Variants in TPD52 observed in about 807,000 individuals in gnomAD.
The protein encoded by TPD52 is tumor protein D52, also known as prostate and colon associated protein.
In TPD52, 17 loss-of-function variants were observed where a neutral mutation model predicts 31.3. The ratio of observed to expected loss-of-function variants is 0.54; its 90% CI spans 0.37 to 0.82. The LOEUF is 0.82. Among genes scored for constraint, TPD52 ranks in the 40% least tolerant of loss-of-function variants. TPD52 has a pLI of 0.00. For missense variants in TPD52, 212 were observed against 240.1 expected (o/e 0.88, Z 0.77); for synonymous variants, 83 against 89.6 (o/e 0.93, Z 0.42).
chr8:80,050,930 A>AG (rs1460442519), intron 4 of TPD52, among the ~76,000 whole-genome samples: 3 of 151,476 alleles, frequency 2.0e-5, no homozygotes, highest in Non-Finnish European at 4.4e-5. Flanking sequence ...ACATGAGTGA[A>AG]GGGGGGGCAC....
chr8:80,116,803 T>C (rs936270290), intron 1 of TPD52, among the ~76,000 whole-genome samples: 1 of 150,948 alleles, frequency 6.6e-6, no homozygotes, highest in African/African-American at 2.4e-5. Flanking sequence ...GTTTATTTAG[T>C]ATGAGCAAGT....
chr8:80,089,679 T>C (rs1289580862), intron 1 of TPD52, among the ~76,000 whole-genome samples: 2 of 152,250 alleles, frequency 1.3e-5, no homozygotes, highest in Non-Finnish European at 2.9e-5. Context: ...ACAATAATTA[T>C]GACTTATCCT....
At chr8:80,089,187 A>C (rs1326500542) in intron 1 of TPD52, among the ~76,000 whole-genome samples, 1 of 152,256 alleles carries the variant, frequency 6.6e-6, no homozygotes, top group Non-Finnish European at 1.5e-5. Flanking sequence ...ATGGAACAGA[A>C]GCGGGAACAG....
intron 3 of TPD52, chr8:80,051,882 C>T (rs1231548969): frequency 2.7e-6 from 1 of 373,616 alleles, no homozygotes; most frequent in African/African-American, 2.1e-5. Context: ...AAAGGCAGGG[C>T]CAAAGAAGTC....
At chr8:80,068,423 C>T (rs1813405306) in intron 1 of TPD52, among the ~76,000 whole-genome samples, 1 of 152,168 alleles carries the variant, frequency 6.6e-6, no homozygotes, top group Admixed American at 6.5e-5. Context: ...TTTTACTTTC[C>T]TGAGGGTCTA....
intron 1 of TPD52, among the ~76,000 whole-genome samples, chr8:80,122,207 GA>G (rs1808307600): frequency 6.6e-6 from 1 of 152,080 alleles, no homozygotes; most frequent in Admixed American, 6.5e-5. Context: ...AAACAAAACA[GA>G]AAGTAAGACA....
chr8:80,144,740 C>G (rs991543822), intron 1 of TPD52, among the ~76,000 whole-genome samples: 1 of 152,206 alleles, frequency 6.6e-6, no homozygotes. Flanking sequence ...TTGGGGCAGA[C>G]AGGTGTTGGA....
intron 1 of TPD52, chr8:80,119,888 T>C (rs1344639284): frequency 7.7e-6 from 3 of 392,152 alleles, no homozygotes; most frequent in Non-Finnish European, 1.5e-5. Flanking sequence ...TAAAAAGCTA[T>C]AGCAGAAAAC....
intron 1 of TPD52, among the ~76,000 whole-genome samples, chr8:80,092,124 G>A (rs1289057745): frequency 6.6e-6 from 1 of 152,054 alleles, no homozygotes; most frequent in Admixed American, 6.6e-5. Context: ...AGGGGTTTGG[G>A]GCATCTATCA....
intron 1 of TPD52, among the ~76,000 whole-genome samples, chr8:80,116,936 C>G (rs1807905646): frequency 6.6e-6 from 1 of 151,998 alleles, no homozygotes; most frequent in Non-Finnish European, 1.5e-5. Flanking sequence ...ATAGAAAAAG[C>G]ATTTGACAAG....
chr8:80,133,564 CT>C (rs1302661610), intron 1 of TPD52, among the ~76,000 whole-genome samples: 1 of 152,104 alleles, frequency 6.6e-6, no homozygotes, highest in African/African-American at 2.4e-5. Flanking sequence ...CATTTTATTT[CT>C]TTGACCCACC....
chr8:80,072,208 T>C (rs1472354770), intron 1 of TPD52, among the ~76,000 whole-genome samples: 4 of 152,106 alleles, frequency 2.6e-5, no homozygotes, highest in African/African-American at 7.2e-5. Flanking sequence ...CTCATGAGGC[T>C]GAGGCAGGAG....
intron 1 of TPD52, among the ~76,000 whole-genome samples, chr8:80,127,110 C>CAAAA (rs111448600): frequency 7.5e-6 from 1 of 134,204 alleles, no homozygotes; most frequent in African/African-American, 2.6e-5. Context: ...GATGATGTCT[C>CAAAA]AAAAAAAAAA....
chr8:80,099,820 T>C (rs1806606406), intron 1 of TPD52, among the ~76,000 whole-genome samples: 1 of 152,224 alleles, frequency 6.6e-6, no homozygotes, highest in African/African-American at 2.4e-5. Context: ...TGGTCTAACA[T>C]CTTTTTAAAA....
intron 1 of TPD52, among the ~76,000 whole-genome samples, chr8:80,135,471 A>G (rs1321072354): frequency 6.6e-6 from 1 of 152,132 alleles, no homozygotes; most frequent in Admixed American, 6.5e-5. Context: ...AGGAAGCCTG[A>G]ATATACCCTT....
chr8:80,126,479 A>ATTTT (rs752947491), intron 1 of TPD52, among the ~76,000 whole-genome samples: 3 of 126,456 alleles, frequency 2.4e-5, no homozygotes, highest in East Asian at 2.3e-4. Flanking sequence ...AAAGTTTATA[A>ATTTT]TTTTTTTTTT....
chr8:80,086,943 A>C (rs1258920950), intron 1 of TPD52, among the ~76,000 whole-genome samples: 3 of 150,758 alleles, frequency 2.0e-5, no homozygotes, highest in Non-Finnish European at 4.4e-5. Context: ...TGTGGTGAGA[A>C]TATTGCCTTT....
intron 1 of TPD52, among the ~76,000 whole-genome samples, chr8:80,095,731 G>A (rs1320593556): frequency 1.3e-5 from 2 of 152,040 alleles, no homozygotes; most frequent in Non-Finnish European, 2.9e-5. Flanking sequence ...GGATCATGAG[G>A]TCAAAAGATC....
At chr8:80,126,376 T>G (rs74721457) in intron 1 of TPD52, among the ~76,000 whole-genome samples, 2 of 151,326 alleles carry the variant, frequency 1.3e-5, no homozygotes, top group African/African-American at 4.9e-5. Flanking sequence ...TTTTTTTTTT[T>G]GCAAACATTC....
Sources: allele counts gnomAD v4.1 joint callset (sites outside exome capture counted in the v4.1 genomes callset), GRCh38; gene constraint gnomAD v4.1.1; transcripts MANE v1.5; gene names NCBI Gene and HGNC (gene_info 2026-07-23, HGNC 2026-07-21).